Variants in RPH3AL observed in about 807,000 individuals in gnomAD.
RPH3AL encodes the protein rabphilin 3A like (without C2 domains), also known as rab effector Noc2.
In RPH3AL, 38 loss-of-function variants were observed where a neutral mutation model predicts 43.1. The ratio of observed to expected loss-of-function variants is 0.88; its 90% confidence interval spans 0.68 to 1.15. RPH3AL has a LOEUF of 1.15. RPH3AL is among the 50% of genes most tolerant of loss of function. The pLI is 0.00. For missense variants in RPH3AL, 462 were observed against 423.2 expected, an observed-to-expected ratio of 1.09 and a Z score of -0.81; for synonymous variants, 189 against 176.3, an observed-to-expected ratio of 1.07 and a Z score of -0.57.
intron 7 of RPH3AL, among the ~76,000 whole-genome samples, chr17:242,589 C>CTACCTTCCTCTATTGAT (rs2041581143): frequency 1.7e-4 from 8 of 46,884 alleles, no homozygotes; most frequent in African/African-American, 2.7e-4. Flanking sequence ...CCTCTATTGA[C>CTACCTTCCTCTATTGAT]TACCTTCCTC....
intron 5 of RPH3AL, among the ~76,000 whole-genome samples, chr17:315,014 T>C (rs372101679): frequency 5.5e-4 from 26 of 47,642 alleles, no homozygotes; most frequent in African/African-American, 3.1e-3. Context: ...GTCTCTGTGC[T>C]CCACCTCCAT....
intron 5 of RPH3AL, among the ~76,000 whole-genome samples, chr17:298,792 G>A (rs2151634101): frequency 6.6e-6 from 1 of 152,184 alleles, no homozygotes. Context: ...GACAAACATT[G>A]TAGGATTTCT....
chr17:246,384 G>A lies in RPH3AL; in HGVS notation c.613+727C>T, dbSNP rs955579257. ...GACCCAGATGCCAGAGAGGGTAAGA[G>A]CCTGCCCTTGGATCCCAGCTCGGCC... On this transcript the variant is annotated intron_variant, in intron 7 of 9. Transcript: ENST00000331302. The surrounding 1 kb of genome is among the most constrained non-coding windows in gnomAD (Gnocchi z 4.8). 1.6e-4 allele frequency among the ~76,000 whole-genome samples: 24 copies of A among 152,266 alleles called. No homozygotes were observed. The highest frequency in any genetic ancestry group is 3.4e-3 in the Middle Eastern group (1 of 294).
intron 1 of RPH3AL, among the ~76,000 whole-genome samples, chr17:339,880 G>A (rs1348916284): frequency 6.6e-6 from 1 of 152,160 alleles, no homozygotes; most frequent in African/African-American, 2.4e-5. Context: ...AACTGGGCCG[G>A]GGCAGCCTGA....
At chr17:252,670 C>T (rs965860835) in intron 6 of RPH3AL, among the ~76,000 whole-genome samples, 1 of 152,168 alleles carries the variant, frequency 6.6e-6, no homozygotes, top group Non-Finnish European at 1.5e-5. Flanking sequence ...GCCATCACCC[C>T]GCACCCACCC....
At chr17:226,693 C>T (rs1352381953) in intron 7 of RPH3AL, among the ~76,000 whole-genome samples, 1 of 152,222 alleles carries the variant, frequency 6.6e-6, no homozygotes, top group Non-Finnish European at 1.5e-5. Context: ...TCTTCTTCCT[C>T]CCTCCATTGA....
At chr17:309,064 G>A (rs1030227085) in intron 5 of RPH3AL, among the ~76,000 whole-genome samples, 32 of 152,202 alleles carry the variant, frequency 2.1e-4, no homozygotes, top group Non-Finnish European at 4.3e-4. Flanking sequence ...TTGAGAGGCC[G>A]AGGCAGGAGG....
rs548169665 is a variant in RPH3AL, at chr17:345,107, A to AACACACACACACACACAC, written c.-213+7604_-213+7605insGTGTGTGTGTGTGTGTGT. Among the ~76,000 whole-genome samples the AACACACACACACACACAC allele has an allele frequency of 6.6e-3, 885 of 134,162 alleles. 142 individuals are homozygous for AACACACACACACACACAC. Among genetic ancestry groups the AACACACACACACACACAC allele is most frequent in the Admixed American group, 0.054 (747 of 13,884 alleles). The allele number at this position is 134,162 out of a possible 152,430, so 88.0% of individuals were successfully genotyped here. ...AACATGGTGAAACCTTGTCTCTGAA[A>AACACACACACACACACAC]ACACACACACACACAGAAAAAATTA... On this transcript the variant is annotated intron_variant, in intron 1 of 9. Coordinates refer to ENST00000331302, the MANE Select transcript of RPH3AL (RefSeq NM_006987.4).
At chr17:319,277 T>C in intron 5 of RPH3AL, 143 bp downstream of exon 5, 1 of 1,016,720 alleles carries the variant, frequency 9.8e-7, no homozygotes, top group Non-Finnish European at 1.4e-6. Context: ...TTTTAAGTCT[T>C]AGTGCTTCTT....
At chr17:332,761 G>A (rs2044818425) in intron 2 of RPH3AL, 1 of 301,850 alleles carries the variant, frequency 3.3e-6, no homozygotes, top group South Asian at 3.0e-5. Flanking sequence ...CCTTGCTGAG[G>A]GGCTGGTGCC....
In RPH3AL at chr17:323,860, G is replaced by A. The variant is rs1027971443; in HGVS notation, c.78-2445C>T. ...AGACCCTCAGTCACCTTGCGAGGCA[G>A]GCCTGGACCCTCAGTCACCCCCCAA... On this transcript the variant is annotated intron_variant, in intron 3 of 9. Transcript: ENST00000331302. This position sits in a 1 kb window ranked among gnomAD's most constrained non-coding sequence, Gnocchi z 4.4. Among the ~76,000 whole-genome samples, 2 of 150,156 alleles carry A rather than the reference G, an allele frequency of 1.3e-5. No homozygotes were observed. The highest frequency in any genetic ancestry group is 3.0e-5 in the Non-Finnish European group (2 of 67,506).
chr17:305,812 G>A (rs2043471695), intron 5 of RPH3AL, among the ~76,000 whole-genome samples: 1 of 151,722 alleles, frequency 6.6e-6, no homozygotes, highest in Admixed American at 6.6e-5. Flanking sequence ...CCTCTGAGCT[G>A]CCAGCCTCCC....
chr17:261,302 G>A (rs1478667919), intron 6 of RPH3AL, among the ~76,000 whole-genome samples: 3 of 152,182 alleles, frequency 2.0e-5, no homozygotes, highest in Admixed American at 6.5e-5. Context: ...AGGCCATGAG[G>A]GTGATCGCTG....
intron 5 of RPH3AL, among the ~76,000 whole-genome samples, chr17:307,301 GGCAGGTCCTCCC>G (rs2043522132): frequency 6.6e-4 from 2 of 3,046 alleles, no homozygotes; most frequent in Admixed American, 9.1e-3. Flanking sequence ...TCCATCCCAC[GGCAGGTCCTCCC>G]CACGGCAGGT....
chr17:265,127 C>T (rs2042290236), intron 6 of RPH3AL, among the ~76,000 whole-genome samples: 1 of 152,126 alleles, frequency 6.6e-6, no homozygotes, highest in South Asian at 2.1e-4. Context: ...TGCTCTGTTA[C>T]CCAGGCTGGA....
At chr17:308,727 C>G (rs1464184276) in intron 5 of RPH3AL, among the ~76,000 whole-genome samples, 2 of 152,172 alleles carry the variant, frequency 1.3e-5, no homozygotes, top group African/African-American at 4.8e-5. Context: ...CTGTGGGGGC[C>G]TGAGATTCTG....
intron 1 of RPH3AL, among the ~76,000 whole-genome samples, chr17:346,551 G>A (rs1326472793): frequency 7.5e-6 from 1 of 133,456 alleles, no homozygotes; most frequent in Non-Finnish European, 1.7e-5. Flanking sequence ...AACAGCACGG[G>A]AAAGACCCGC....
rs115864289 is a variant in RPH3AL at position 347,533 on chromosome 17, G to A, written c.-213+5179C>T. ...CCAGAGCTCAGGGTGGCAGGGAGCC[G>A]TGACTGTACAACCACACTCCAGCCT... On this transcript the variant is annotated intron_variant, in intron 1 of 9. Transcript: ENST00000331302. Among the ~76,000 whole-genome samples, 265 of 151,978 alleles carry A rather than the reference G, an allele frequency of 1.7e-3. 2 individuals are homozygous for A. The highest frequency in any genetic ancestry group is 5.7e-3 in the African/African-American group (235 of 41,480).
chr17:331,872 A>G, intron 2 of RPH3AL: 6 of 1,289,090 alleles, frequency 4.7e-6, no homozygotes, highest in Non-Finnish European at 6.1e-6. Flanking sequence ...CTCAGGTATG[A>G]CCATTTGTCC....
Sources: gnomAD v4.1 joint callset for allele counts (sites outside exome capture counted in the v4.1 genomes callset) on GRCh38, gnomAD v4.1.1 for gene constraint, Gnocchi (gnomAD v3.1) non-coding constraint, MANE v1.5 for transcripts, NCBI Gene and HGNC (gene_info 2026-07-23, HGNC 2026-07-21) for gene names.